SPMIP3: variants seen among roughly 807,000 people sequenced by gnomAD.
The protein encoded by SPMIP3 is protein SPMIP3.
chr1:244,370,823 T>C, the SPMIP3 span, among the ~76,000 whole-genome samples: 1 of 152,228 alleles, frequency 6.6e-6, no homozygotes, highest in Admixed American at 6.5e-5. Flanking sequence ...TGGCATTTAC[T>C]TGTTTAAGTG....
chr1:244,365,066 G>C, the SPMIP3 span, among the ~76,000 whole-genome samples: 1 of 152,184 alleles, frequency 6.6e-6, no homozygotes, highest in Non-Finnish European at 1.5e-5. Flanking sequence ...GGATGTCTGC[G>C]CCATTACCCC....
the SPMIP3 span, among the ~76,000 whole-genome samples, chr1:244,359,761 C>T: frequency 1.3e-5 from 2 of 151,622 alleles, no homozygotes; most frequent in East Asian, 1.9e-4. Context: ...AGCAAAAAAT[C>T]TGAATAGACA....
chr1:244,356,918 C>CTTTT, the SPMIP3 span, among the ~76,000 whole-genome samples: 19 of 103,768 alleles, frequency 1.8e-4, no homozygotes, highest in African/African-American at 5.4e-4. Context: ...TTTTCTTTTC[C>CTTTT]TTTTTTTTTT....
At chr1:244,353,671 T>C in the SPMIP3 span, among the ~76,000 whole-genome samples, 2 of 152,016 alleles carry the variant, frequency 1.3e-5, no homozygotes, top group Admixed American at 6.6e-5. Context: ...AACAAAGCCC[T>C]GAAGAATGGG....
chr1:244,373,332 T>TTTATATATATATATATATATA, the SPMIP3 span, among the ~76,000 whole-genome samples: 3 of 85,146 alleles, frequency 3.5e-5, no homozygotes, highest in African/African-American at 1.2e-4. Flanking sequence ...CAAAAAAAAA[T>TTTATATATATATATATATATA]TATATATATA....
chr1:244,363,251 C>T, the SPMIP3 span, among the ~76,000 whole-genome samples: 103,266 of 151,624 alleles, frequency 0.68, 36,206 homozygotes, highest in Admixed American at 0.78. Flanking sequence ...CTACTAAAAA[C>T]ACAAAAATTA....
At chr1:244,386,694 C>T in the SPMIP3 span, among the ~76,000 whole-genome samples, 5 of 152,104 alleles carry the variant, frequency 3.3e-5, no homozygotes, top group East Asian at 3.9e-4. Flanking sequence ...GGATCACACT[C>T]GATTAAATCT....
At chr1:244,380,117 G>GTTT in the SPMIP3 span, among the ~76,000 whole-genome samples, 66 of 132,222 alleles carry the variant, frequency 5.0e-4, no homozygotes, top group East Asian at 3.8e-3. Context: ...CATTCACAGA[G>GTTT]TTTTTCTTTT....
the SPMIP3 span, among the ~76,000 whole-genome samples, chr1:244,384,079 A>C: frequency 6.6e-6 from 1 of 152,222 alleles, no homozygotes; most frequent in African/African-American, 2.4e-5. Flanking sequence ...TGGAAATAAA[A>C]AATTAAAAAA....
chr1:244,373,697 T>C, the SPMIP3 span, among the ~76,000 whole-genome samples: 179 of 151,890 alleles, frequency 1.2e-3, 1 homozygote, highest in African/African-American at 4.2e-3. Context: ...GGTGCAAAAG[T>C]AATTGCAGTT....
chr1:244,364,653 G>T, the SPMIP3 span: 8 of 1,543,862 alleles, frequency 5.2e-6, no homozygotes, highest in Non-Finnish European at 7.2e-6. Flanking sequence ...GTATAAACTG[G>T]CAATATAATC....
At chr1:244,388,553 A>G in the SPMIP3 span, among the ~76,000 whole-genome samples, 3 of 152,310 alleles carry the variant, frequency 2.0e-5, no homozygotes, top group East Asian at 5.8e-4. Flanking sequence ...CCAAAGGTTT[A>G]TAGTCAATAA....
At chr1:244,377,922 G>A in the SPMIP3 span, among the ~76,000 whole-genome samples, 2 of 152,076 alleles carry the variant, frequency 1.3e-5, no homozygotes, top group South Asian at 4.2e-4. Flanking sequence ...CCTCCCACCT[G>A]AGCCTCCCTA....
chr1:244,372,948 T>C, the SPMIP3 span, among the ~76,000 whole-genome samples: 1 of 152,166 alleles, frequency 6.6e-6, no homozygotes, highest in African/African-American at 2.4e-5. Flanking sequence ...TTACCCTCCA[T>C]CCTATCTCCT....
At chr1:244,363,148 G>A in the SPMIP3 span, among the ~76,000 whole-genome samples, 7 of 152,076 alleles carry the variant, frequency 4.6e-5, no homozygotes, top group Admixed American at 6.6e-5. Flanking sequence ...GCTCATGCCT[G>A]TAATCCCAGC....
chr1:244,364,368 G>A, the SPMIP3 span, among the ~76,000 whole-genome samples: 1 of 152,092 alleles, frequency 6.6e-6, no homozygotes, highest in African/African-American at 2.4e-5. Flanking sequence ...GCCTCCCAAA[G>A]TGCTGGGATT....
At chr1:244,357,508 G>A in the SPMIP3 span, among the ~76,000 whole-genome samples, 2 of 151,704 alleles carry the variant, frequency 1.3e-5, no homozygotes, top group South Asian at 2.1e-4. Flanking sequence ...CAGGAGTTGG[G>A]GACCAGCCTG....
the SPMIP3 span, among the ~76,000 whole-genome samples, chr1:244,353,861 A>C: frequency 6.6e-6 from 1 of 152,164 alleles, no homozygotes; most frequent in South Asian, 2.1e-4. Context: ...GCCCTCTTCT[A>C]AACAGCCTCT....
At chr1:244,356,861 A>G in the SPMIP3 span, among the ~76,000 whole-genome samples, 1 of 151,158 alleles carries the variant, frequency 6.6e-6, no homozygotes, top group African/African-American at 2.4e-5. Flanking sequence ...TTGACCTGAC[A>G]GCTGTAGCAG....
Sources: allele counts gnomAD v4.1 joint callset (sites outside exome capture counted in the v4.1 genomes callset), GRCh38; gene constraint gnomAD v4.1.1; transcripts MANE v1.5; gene names NCBI Gene and HGNC (gene_info 2026-07-23, HGNC 2026-07-21).